The following BOC variants were observed in gnomAD, a reference collection of about 807,000 sequenced individuals.
BOC encodes BOC cell adhesion associated, oncogene regulated.
Under a neutral mutation model 112.0 loss-of-function variants are expected in BOC, and 76 were observed. The observed-to-expected ratio is 0.68, with a 90% CI of 0.56 to 0.82. BOC has a LOEUF of 0.82. Among genes scored for constraint, BOC ranks in the 40% least tolerant of loss-of-function variants. The pLI, the probability that BOC is intolerant of heterozygous loss-of-function variation, is 0.00. For synonymous variants in BOC, 580 were observed against 599.8 expected (o/e 0.97, Z 0.48); for missense variants, 1,309 against 1,511.7 (o/e 0.87, Z 2.22).
At chr3:113,275,578 T>C (rs1367994899) in intron 9 of BOC, among the ~76,000 whole-genome samples, 1 of 152,250 alleles carries the variant, frequency 6.6e-6, no homozygotes, top group Admixed American at 6.5e-5. Flanking sequence ...TAGAAAACTA[T>C]TATTCTTAAA....
chr3:113,274,910 T>G lies in BOC; in HGVS notation c.1542+228T>G, dbSNP rs547141365. On this transcript the variant is annotated intron_variant, in intron 9 of 19. Transcript: ENST00000682979. This position sits in a 1 kb window ranked among gnomAD's most constrained non-coding sequence, Gnocchi z 4.8. ...CCCTGGAAGGCCCAGGAAAAAGCCTTGTGCGTGCATCCAGTACTAAGCTCT... is the reference window on the plus strand; with the variant it reads ...CCCTGGAAGGCCCAGGAAAAAGCCTGGTGCGTGCATCCAGTACTAAGCTCT... 6.6e-6 allele frequency among the ~76,000 whole-genome samples: 1 copy of G among 152,330 alleles called. No homozygotes were observed. The highest frequency in any genetic ancestry group is 1.9e-4 in the East Asian group (1 of 5,178).
chr3:113,233,591 A>T (rs1355203249), intron 2 of BOC, among the ~76,000 whole-genome samples: 1 of 152,082 alleles, frequency 6.6e-6, no homozygotes, highest in Non-Finnish European at 1.5e-5. Context: ...TCTCAGGTGA[A>T]TTCATTGCTA....
Position 113,274,297 on chromosome 3 carries a change from G to A in BOC, c.1235-78G>A, listed in dbSNP as rs988959726. On this transcript the variant is annotated intron_variant, in intron 8 of 19. Coordinates refer to ENST00000682979, the MANE Select transcript of BOC (RefSeq NM_001378074.1). The surrounding 1 kb of genome is among the most constrained non-coding windows in gnomAD (Gnocchi z 4.8). ...CAGGTTGCCTCTCTGTCTTCTTTCT[G>A]TTTTCTCCCCAGGAACAACAGCTCA... 1.0e-4 allele frequency: 143 copies of A among 1,398,418 alleles called. No homozygotes were observed. Among genetic ancestry groups the A allele is most frequent in the Non-Finnish European group, 1.2e-4 (129 of 1,055,716 alleles). 86.6% of individuals were successfully genotyped at this position (1,398,418 alleles called of 1,614,324 possible). A position where few individuals can be genotyped will look rare whatever the true frequency, so the allele number is the denominator to read the frequency against.
rs1316744375 is a variant in BOC at position 113,273,177 on chromosome 3, T to C, written c.1070T>C (p.Leu357Pro). ...RGNPPPSVLWLRNAVPLISSQ... is the reference protein window; with the variant it reads ...RGNPPPSVLWPRNAVPLISSQ... ...AACCCCCCGCCCTCCGTGCTGTGGC[T>C]GAGGAATGCTGTGCCCCTCATCTCC... The change falls in exon 8 of 20, where the codon CTG becomes CCG. Residue 357 changes from leucine (L) to proline (P), a missense_variant. Transcript: ENST00000682979. The C allele has an allele frequency of 6.2e-7, 1 of 1,613,908 alleles. No homozygotes were observed. Among genetic ancestry groups the C allele is most frequent in the African/African-American group, 1.3e-5 (1 of 74,932 alleles).
In BOC at chr3:113,228,899, GTC is replaced by G. The variant is rs200277877; in HGVS notation, c.-82+12627_-82+12628del. Reference sequence around the variant, plus strand: ...AACCTGCCCCTCCCATCCCTGCCTGGTCTTTTTCAGTTTAAAGTTCCAGCCTG... The same window carrying G: ...AACCTGCCCCTCCCATCCCTGCCTGGTTTTTCAGTTTAAAGTTCCAGCCTG... On this transcript the variant is annotated intron_variant, in intron 2 of 19. Transcript: ENST00000682979. Among the ~76,000 whole-genome samples, 486 of 152,276 alleles carry G rather than the reference GTC, an allele frequency of 3.2e-3. 13 individuals carry two copies. The highest frequency in any genetic ancestry group is 0.027 in the Admixed American group (417 of 15,292).
intron 1 of BOC, 141 bp from the exon 2 acceptor site, chr3:113,216,046 A>G (rs1576306849): frequency 3.6e-6 from 1 of 279,118 alleles, no homozygotes; most frequent in East Asian, 8.3e-5. Flanking sequence ...TCTTAGAAAA[A>G]TCGCTTTTCT....
In BOC at chr3:113,272,520, C is replaced by G; in HGVS notation, c.778C>G (p.Pro260Ala). The G allele has an allele frequency of 6.2e-7, 1 of 1,614,078 alleles. No homozygotes were observed. Among genetic ancestry groups the G allele is most frequent in the Non-Finnish European group, 8.5e-7 (1 of 1,179,990 alleles). Residue 260 changes from proline (P) to alanine (A), a missense_variant, in exon 7 of 20, where the codon CCA (proline) becomes GCA (alanine). Transcript: ENST00000682979. ...LECVASGIPP[P>A]RVTWAKDGSS... is the part of the protein sequence containing the mutation. ...GTGTGTGGCCAGTGGAATCCCACCCCCACGGGTCACCTGGGCCAAGGATGG... is the reference window on the plus strand; with the variant it reads ...GTGTGTGGCCAGTGGAATCCCACCCGCACGGGTCACCTGGGCCAAGGATGG...
chr3:113,248,859 G>A (rs569703831), intron 2 of BOC, among the ~76,000 whole-genome samples: 1 of 152,286 alleles, frequency 6.6e-6, no homozygotes, highest in South Asian at 2.1e-4. Flanking sequence ...TGTGGTCTGA[G>A]CCTCAAAGCA....
At chr3:113,280,063 C>T in intron 13 of BOC, 58 bp downstream of exon 13, 1 of 1,508,020 alleles carries the variant, frequency 6.6e-7, no homozygotes, top group Non-Finnish European at 8.9e-7. Context: ...ATGCCCTTCC[C>T]TGTGAGCCTG....
Position 113,286,722 on chromosome 3 carries a change from C to A in BOC, c.3208C>A (p.Pro1070Thr). ...GLVPVEEVDS[P>T]DSCQVSGGDW... ...TGTGCCAGTTGAAGAGGTGGACAGT[C>A]CTGACTCCTGCCAAGTGAGTGGAGG... The change falls in exon 20 of 20, where the codon CCT becomes ACT. Residue 1070 changes from proline to threonine, a missense_variant. Coordinates refer to ENST00000682979, the MANE Select transcript of BOC (RefSeq NM_001378074.1). The A allele has an allele frequency of 1.2e-6, 2 of 1,613,320 alleles. No individual in the cohort carries two copies.
intron 5 of BOC, 105 bp downstream of exon 5, chr3:113,268,550 C>G (rs1947769103): frequency 1.1e-5 from 12 of 1,117,922 alleles, no homozygotes; most frequent in Non-Finnish European, 1.5e-5. Flanking sequence ...TGCTGTCTCC[C>G]AAACCCCCCT....
At chr3:113,256,180 C>T (rs1202192402) in intron 4 of BOC, among the ~76,000 whole-genome samples, 2 of 152,160 alleles carry the variant, frequency 1.3e-5, no homozygotes, top group Non-Finnish European at 2.9e-5. Flanking sequence ...CTCTAAAGCC[C>T]GTGTCCAGCC....
At chr3:113,254,719 C>A (rs1473441966) in intron 4 of BOC, among the ~76,000 whole-genome samples, 1 of 152,246 alleles carries the variant, frequency 6.6e-6, no homozygotes, top group Non-Finnish European at 1.5e-5. Context: ...CATCCTCGCA[C>A]AAAGCAGTTG....
Position 113,273,057 on chromosome 3 carries a change from G to A in BOC, c.962-12G>A. On this transcript the variant is annotated splice_polypyrimidine_tract_variant and intron_variant, in intron 7 of 19. Transcript: ENST00000682979. ...ACACAGCCCTTCTCACCCTGCTCTGGTTTCCTGGCAGAACCCCCTGAGGTC... is the reference window on the plus strand; with the variant it reads ...ACACAGCCCTTCTCACCCTGCTCTGATTTCCTGGCAGAACCCCCTGAGGTC... 2 of 1,589,118 alleles carry A rather than the reference G, an allele frequency of 1.3e-6. No homozygotes were observed. The highest frequency in any genetic ancestry group is 1.7e-6 in the Non-Finnish European group (2 of 1,160,654).
chr3:113,260,811 T>C (rs753124192), intron 4 of BOC, among the ~76,000 whole-genome samples: 6 of 145,508 alleles, frequency 4.1e-5, no homozygotes, highest in Admixed American at 1.4e-4. Context: ...TACTGTGAAC[T>C]GTGCATGCGA....
chr3:113,273,119 C>T lies in BOC; in HGVS notation c.1012C>T (p.Gln338Ter). 6.2e-7 allele frequency: 1 copy of T among 1,612,036 alleles called. No individual in the cohort carries two copies. The highest frequency in any genetic ancestry group is 2.2e-5 in the East Asian group (1 of 44,776). Residue 338 changes from glutamine to a stop codon, truncating the protein, a stop_gained, in exon 8 of 20, where the codon CAG becomes TAG. Coordinates refer to ENST00000682979, the MANE Select transcript of BOC (RefSeq NM_001378074.1). LOFTEE classifies it high-confidence loss of function. ...ELSQLVIPWG[Q>*]SAKLTCEVRG... ...ATCCCAGCTGGTCATCCCCTGGGGC[C>T]AGAGTGCCAAGCTTACCTGTGAGGT...
intron 8 of BOC, among the ~76,000 whole-genome samples, chr3:113,273,950 A>G (rs1948405736): frequency 6.6e-6 from 1 of 152,148 alleles, no homozygotes; most frequent in South Asian, 2.1e-4. Flanking sequence ...AGTTGCGTTC[A>G]TATCTCATAT....
At chr3:113,232,626 A>G (rs967040986) in intron 2 of BOC, among the ~76,000 whole-genome samples, 4 of 152,010 alleles carry the variant, frequency 2.6e-5, no homozygotes, top group Admixed American at 2.6e-4. Flanking sequence ...TTAGAGGTGG[A>G]GAATGCACAT....
chr3:113,280,893 G>A (rs1346219494), intron 14 of BOC, 138 bp from the exon 15 acceptor site: 46 of 1,199,530 alleles, frequency 3.8e-5, no homozygotes, highest in South Asian at 2.5e-4. Flanking sequence ...TTCCTCCAGC[G>A]TTCCTCCACA....
Sources: gnomAD v4.1 joint callset for allele counts (sites outside exome capture counted in the v4.1 genomes callset) on GRCh38, gnomAD v4.1.1 for gene constraint, Gnocchi (gnomAD v3.1) non-coding constraint, MANE v1.5 for transcripts, NCBI Gene and HGNC (gene_info 2026-07-23, HGNC 2026-07-21) for gene names.